ROBO2: variants seen among roughly 807,000 people sequenced by gnomAD.
ROBO2 encodes the protein roundabout guidance receptor 2, also known as roundabout homolog 2.
In ROBO2, 53 loss-of-function variants were observed where a neutral mutation model predicts 160.8. The ratio of observed to expected loss-of-function variants is 0.33; its 90% CI spans 0.26 to 0.41. The LOEUF is 0.41. Ranked by LOEUF, ROBO2 falls within the 10% of genes least tolerant of loss-of-function variation. The pLI, the probability that ROBO2 is intolerant of heterozygous loss-of-function variation, is 1.00. For missense variants in ROBO2, 1,577 were observed against 1,722.4 expected (o/e 0.92, Z 1.49); for synonymous variants, 664 against 611.7 (o/e 1.09, Z -1.26).
chr3:77,108,696 G>A (rs1402340753), intron 2 of ROBO2, among the ~76,000 whole-genome samples: 1 of 152,068 alleles, frequency 6.6e-6, no homozygotes, highest in African/African-American at 2.4e-5. Flanking sequence ...GCTTCTAGGT[G>A]AGTCTGAATG....
At chr3:77,129,726 C>A (rs562146029) in intron 2 of ROBO2, among the ~76,000 whole-genome samples, 1 of 152,268 alleles carries the variant, frequency 6.6e-6, no homozygotes, top group Admixed American at 6.5e-5. Flanking sequence ...GTTTTTGGTG[C>A]ATCTCATCGA....
At chr3:76,296,277 G>T (rs947471763) in intron 2 of ROBO2, among the ~76,000 whole-genome samples, 2 of 152,182 alleles carry the variant, frequency 1.3e-5, no homozygotes, top group African/African-American at 4.8e-5. Flanking sequence ...CCCTGCCCCT[G>T]CAGGCACCTG....
In ROBO2 at chr3:77,610,741, CAAAAAA is replaced by C. The variant is rs71629658; in HGVS notation, c.3293+2808_3293+2813del. On this transcript the variant is annotated intron_variant, in intron 21 of 25. Coordinates refer to ENST00000461745, the Ensembl canonical transcript of ROBO2. ...GAGACAAATTTCCCTGGCCAAAGAC[CAAAAAA>C]AAAAAAAAAAAAAAAAAAAAGAAAA... Among the ~76,000 whole-genome samples the C allele has an allele frequency of 7.6e-3, 151 of 19,822 alleles. 1 individual carries two copies. The highest frequency in any genetic ancestry group is 0.022 in the Admixed American group (22 of 982). 13.0% of individuals were successfully genotyped at this position (19,822 alleles called of 152,430 possible).
At chr3:76,710,127 T>C (rs2093260300) in intron 2 of ROBO2, among the ~76,000 whole-genome samples, 1 of 57,520 alleles carries the variant, frequency 1.7e-5, no homozygotes. Flanking sequence ...TTTTCTTTTC[T>C]TTTTTTTTTT....
chr3:77,593,565 G>C (rs1446636274), intron 17 of ROBO2, among the ~76,000 whole-genome samples: 1 of 152,060 alleles, frequency 6.6e-6, no homozygotes, highest in Non-Finnish European at 1.5e-5. Flanking sequence ...GTATATTTCA[G>C]GTACCAATAA....
At chr3:77,558,446 T>C (rs2093205468) in intron 9 of ROBO2, among the ~76,000 whole-genome samples, 1 of 152,038 alleles carries the variant, frequency 6.6e-6, no homozygotes, top group Non-Finnish European at 1.5e-5. Context: ...ATATGAGTAG[T>C]AGGGTATTGG....
At chr3:77,259,440 A>G (rs1380764485) in intron 2 of ROBO2, among the ~76,000 whole-genome samples, 2 of 152,230 alleles carry the variant, frequency 1.3e-5, no homozygotes, top group Non-Finnish European at 2.9e-5. Context: ...TAAAGAAATA[A>G]AAATATTATG....
chr3:77,590,529 C>T (rs922737919), intron 17 of ROBO2, among the ~76,000 whole-genome samples: 11 of 152,108 alleles, frequency 7.2e-5, no homozygotes, highest in African/African-American at 2.4e-4. Flanking sequence ...CTGTGATACA[C>T]TCGTATAAAT....
At chr3:76,055,715 CT>C (rs1008737082) in intron 2 of ROBO2, among the ~76,000 whole-genome samples, 56 of 152,014 alleles carry the variant, frequency 3.7e-4, no homozygotes, top group African/African-American at 7.5e-4. Context: ...TGTATGTATA[CT>C]TTTTTTTTAT....
At chr3:77,462,725 G>A (rs995290111) in intron 2 of ROBO2, among the ~76,000 whole-genome samples, 1 of 151,518 alleles carries the variant, frequency 6.6e-6, no homozygotes, top group South Asian at 2.1e-4. Flanking sequence ...TAAAGTAGAT[G>A]CAGGGAAGTC....
rs185295276 is a variant in ROBO2, at chr3:76,739,437, A to G, written c.110-358577A>G. Among the ~76,000 whole-genome samples, 1,327 of 145,816 alleles carry G rather than the reference A, an allele frequency of 9.1e-3. 18 individuals are homozygous for G. The highest frequency in any genetic ancestry group is 0.032 in the African/African-American group (1,258 of 39,808). On this transcript the variant is annotated intron_variant, in intron 2 of 26. Transcript: ENST00000487694. ...TAGATGGGAATTGAACAATGAGAAC[A>G]CATGGACACAAGAAGGGGAACATCA...
intron 11 of ROBO2, chr3:77,564,348 C>A: frequency 2.7e-6 from 1 of 375,008 alleles, no homozygotes; most frequent in Non-Finnish European, 5.3e-6. Context: ...AGAGATTTCA[C>A]CGTTCTGAGA....
chr3:77,519,225 T>C (rs2090338671), intron 5 of ROBO2, among the ~76,000 whole-genome samples: 1 of 151,426 alleles, frequency 6.6e-6, no homozygotes, highest in African/African-American at 2.4e-5. Context: ...AAACAAAATC[T>C]TATTCCTATT....
At chr3:77,464,439 A>G (rs545277093) in intron 2 of ROBO2, among the ~76,000 whole-genome samples, 2 of 152,324 alleles carry the variant, frequency 1.3e-5, no homozygotes, top group South Asian at 4.1e-4. Flanking sequence ...GTTACATTTC[A>G]GGACCTGAAG....
At chr3:76,292,991 T>G (rs553900511) in intron 2 of ROBO2, among the ~76,000 whole-genome samples, 2 of 152,024 alleles carry the variant, frequency 1.3e-5, no homozygotes, top group South Asian at 4.1e-4. Context: ...ATAGTGCTTA[T>G]TTTGGGTTTG....
At chr3:76,245,193 T>C (rs1247010347) in intron 2 of ROBO2, among the ~76,000 whole-genome samples, 1 of 152,212 alleles carries the variant, frequency 6.6e-6, no homozygotes, top group Non-Finnish European at 1.5e-5. Context: ...CTTTCTATAC[T>C]GAAAAATATC....
intron 2 of ROBO2, among the ~76,000 whole-genome samples, chr3:76,596,349 G>C (rs1316477348): frequency 6.6e-6 from 1 of 152,082 alleles, no homozygotes; most frequent in African/African-American, 2.4e-5. Flanking sequence ...AGTGATAGGA[G>C]AGAGAATATG....
intron 2 of ROBO2, among the ~76,000 whole-genome samples, chr3:76,344,488 T>C (rs917045745): frequency 6.6e-6 from 1 of 152,188 alleles, no homozygotes; most frequent in African/African-American, 2.4e-5. Context: ...CTTTAAGCTA[T>C]ATTTTCAAAG....
intron 2 of ROBO2, among the ~76,000 whole-genome samples, chr3:76,340,622 A>G (rs888323183): frequency 1.3e-5 from 2 of 152,160 alleles, no homozygotes; most frequent in Non-Finnish European, 2.9e-5. Flanking sequence ...CACAAAGCAT[A>G]TTATGATTTT....
Sources: allele counts gnomAD v4.1 joint callset (sites outside exome capture counted in the v4.1 genomes callset), GRCh38; gene constraint gnomAD v4.1.1; transcripts MANE v1.5; gene names NCBI Gene and HGNC (gene_info 2026-07-23, HGNC 2026-07-21).